Variants in CLTCL1 observed in about 807,000 individuals in gnomAD.
CLTCL1 encodes the protein clathrin heavy chain 2.
A neutral mutation model predicts 190.0 loss-of-function variants in CLTCL1; 159 were observed. The observed-to-expected ratio is 0.84, with a 90% confidence interval of 0.74 to 0.95. The LOEUF (loss-of-function observed/expected upper bound fraction) is 0.95. CLTCL1 is among the 40% of genes least tolerant of loss of function. The pLI, the probability that CLTCL1 is intolerant of heterozygous loss-of-function variation, is 0.00. For synonymous variants in CLTCL1, 752 were observed against 769.6 expected (o/e 0.98, Z 0.38); for missense variants, 1,878 against 2,033.4 (o/e 0.92, Z 1.47).
intron 29 of CLTCL1, among the ~76,000 whole-genome samples, chr22:19,185,691 G>A (rs545904254): frequency 2.6e-5 from 4 of 152,370 alleles, no homozygotes; most frequent in South Asian, 2.1e-4. Context: ...CACGTGGCTC[G>A]GAGTGGGTGG....
intron 1 of CLTCL1, among the ~76,000 whole-genome samples, chr22:19,288,670 T>TCA (rs1325184496): frequency 1.3e-5 from 2 of 152,180 alleles, no homozygotes; most frequent in African/African-American, 2.4e-5. Flanking sequence ...TGCTACTGCC[T>TCA]CACACACACA....
chr22:19,179,919 C>T lies in CLTCL1; in HGVS notation c.*71G>A. On this transcript the variant is annotated 3_prime_UTR_variant, in exon 33 of 33. Coordinates refer to ENST00000427926, the MANE Select transcript of CLTCL1 (RefSeq NM_007098.4). ...CATTGGAGGCTGGCGAAGTTGGGAG[C>T]AGAGGCATATCCATAGGGGAAGCTG... 1 of 489,464 alleles carries T rather than the reference C, an allele frequency of 2.0e-6. No individual in the cohort carries two copies. The highest frequency in any genetic ancestry group is 3.7e-6 in the Non-Finnish European group (1 of 271,944). The allele number at this position is 489,464 out of a possible 1,614,324, so 30.3% of individuals were successfully genotyped here. A position where few individuals can be genotyped will look rare whatever the true frequency, so the allele number is the denominator to read the frequency against.
At chr22:19,256,697 G>A (rs1245458958) in intron 2 of CLTCL1, among the ~76,000 whole-genome samples, 2 of 149,326 alleles carry the variant, frequency 1.3e-5, no homozygotes, top group African/African-American at 2.5e-5. Flanking sequence ...ACTAGGTCTT[G>A]CTATGCTGCC....
In CLTCL1 at chr22:19,246,047, T is replaced by C. The variant is rs782209218; in HGVS notation, c.520-3111A>G. Among the ~76,000 whole-genome samples, 3 of 151,938 alleles carry C rather than the reference T, an allele frequency of 2.0e-5. No homozygotes were observed. In the South Asian group the frequency reaches 6.2e-4, roughly 31 times the overall value. On this transcript the variant is annotated intron_variant, in intron 3 of 32. Coordinates refer to ENST00000427926, the MANE Select transcript of CLTCL1 (RefSeq NM_007098.4). ...ACAGTGGAACTGCTGGGTCAAATGG[T>C]AATTCTGTGTTTAACTTTTTTTTAT...
At chr22:19,287,486 A>G (rs1555990801) in intron 1 of CLTCL1, among the ~76,000 whole-genome samples, 1 of 152,176 alleles carries the variant, frequency 6.6e-6, no homozygotes, top group East Asian at 1.9e-4. Flanking sequence ...AACAGGAAAG[A>G]GCACGTGGGG....
intron 2 of CLTCL1, among the ~76,000 whole-genome samples, chr22:19,266,915 C>A (rs1430170061): frequency 6.6e-6 from 1 of 152,170 alleles, no homozygotes; most frequent in Non-Finnish European, 1.5e-5. Flanking sequence ...AGGCTAAAAA[C>A]TCCCCCCTAA....
rs1220488992 is a variant in CLTCL1, at chr22:19,291,695, C to A, written c.-54G>T. Reference sequence around the variant, plus strand: ...CGGCAGCGGCAGGAATGAACGCCGACCCCTCGCGCGGGCTGACCGGTGGCG... The same window carrying A: ...CGGCAGCGGCAGGAATGAACGCCGAACCCTCGCGCGGGCTGACCGGTGGCG... On this transcript the variant is annotated 5_prime_UTR_variant, in exon 1 of 33. Coordinates refer to ENST00000427926, the MANE Select transcript of CLTCL1 (RefSeq NM_007098.4). 1 of 1,322,036 alleles carries A rather than the reference C, an allele frequency of 7.6e-7. No individual in the cohort carries two copies. The highest frequency in any genetic ancestry group is 9.7e-7 in the Non-Finnish European group (1 of 1,026,664). The allele number at this position is 1,322,036 out of a possible 1,614,324, so 81.9% of individuals were successfully genotyped here. A position where few individuals can be genotyped will look rare whatever the true frequency, so the allele number is the denominator to read the frequency against.
At chr22:19,189,751 G>A (rs2084429232) in intron 27 of CLTCL1, among the ~76,000 whole-genome samples, 1 of 152,088 alleles carries the variant, frequency 6.6e-6, no homozygotes, top group South Asian at 2.1e-4. Flanking sequence ...ATATACTGGT[G>A]TCTTTACTTG....
At chr22:19,282,230 G>C (rs1344456172) in intron 1 of CLTCL1, among the ~76,000 whole-genome samples, 10 of 151,908 alleles carry the variant, frequency 6.6e-5, no homozygotes, top group African/African-American at 2.2e-4. Flanking sequence ...TCGGGAGGCT[G>C]AGGCAGGAGA....
Position 19,188,065 on chromosome 22 carries a change from AG to A in CLTCL1, c.4349del (p.Pro1450LeufsTer14), listed in dbSNP as rs782153312. ...SKAGQLPLVKPYLRSVQSHNN... is the reference protein window; with the variant it reads ...SKAGQLPLVKXYLRSVQSHNN... ...TGTGGCTCTGGACTGACCGCAGGTAAGGCTTCACCAGGGGCAGCTGACCTGC... is the reference window on the plus strand; with the variant it reads ...TGTGGCTCTGGACTGACCGCAGGTAAGCTTCACCAGGGGCAGCTGACCTGC... On this transcript the variant is annotated frameshift_variant, in exon 28 of 33. Coordinates refer to ENST00000427926, the MANE Select transcript of CLTCL1 (RefSeq NM_007098.4). LOFTEE classifies it high-confidence loss of function. The A allele has an allele frequency of 3.7e-6, 6 of 1,614,000 alleles. No homozygotes were observed. The highest frequency in any genetic ancestry group is 4.2e-6 in the Non-Finnish European group (5 of 1,179,868).
At chr22:19,256,775 C>T (rs1416485246) in intron 2 of CLTCL1, among the ~76,000 whole-genome samples, 1 of 151,828 alleles carries the variant, frequency 6.6e-6, no homozygotes, top group Non-Finnish European at 1.5e-5. Context: ...GCTGGGATAA[C>T]AGGTGTGAGC....
chr22:19,256,354 C>CTTTTTTTTTTTTTT (rs1239133099), intron 2 of CLTCL1, among the ~76,000 whole-genome samples: 21 of 104,332 alleles, frequency 2.0e-4, no homozygotes, highest in Non-Finnish European at 3.4e-4. Context: ...TTTCTTTTAT[C>CTTTTTTTTTTTTTT]TTTTTTTTTT....
chr22:19,219,829 A>G (rs1345955231), intron 18 of CLTCL1, 56 bp downstream of exon 18: 11 of 1,605,406 alleles, frequency 6.9e-6, no homozygotes, highest in Admixed American at 1.7e-5. Context: ...TTGAGCCACA[A>G]TGATGATCGG....
chr22:19,211,791 A>G (rs2145655622), intron 19 of CLTCL1, among the ~76,000 whole-genome samples: 1 of 150,948 alleles, frequency 6.6e-6, no homozygotes, highest in Non-Finnish European at 1.5e-5. Flanking sequence ...AAACAAAAAC[A>G]AAACTGTCCC....
intron 3 of CLTCL1, among the ~76,000 whole-genome samples, chr22:19,249,697 A>G (rs1555969215): frequency 2.0e-5 from 3 of 151,972 alleles, no homozygotes; most frequent in African/African-American, 7.3e-5. Context: ...CTCTGTCTCA[A>G]AAGAAAAGAA....
At chr22:19,276,404 A>G (rs1289295902) in intron 1 of CLTCL1, among the ~76,000 whole-genome samples, 1 of 152,202 alleles carries the variant, frequency 6.6e-6, no homozygotes, top group East Asian at 1.9e-4. Context: ...GGTTAATAAG[A>G]AAGTCAGCAG....
intron 26 of CLTCL1, among the ~76,000 whole-genome samples, chr22:19,192,026 A>G (rs1601457269): frequency 7.2e-6 from 1 of 139,000 alleles, no homozygotes; most frequent in South Asian, 2.4e-4. Context: ...CACTTTCCCC[A>G]CTGGTCTGCC....
Position 19,274,096 on chromosome 22 carries a change from T to C in CLTCL1, c.250+1527A>G, listed in dbSNP as rs149957624. On this transcript the variant is annotated intron_variant, in intron 2 of 32. Transcript: ENST00000427926. ...CCAGGAAGATTAAAATGCAGATCAT[T>C]TCTGAGACCTGCTGAAAACACTAAA... Among the ~76,000 whole-genome samples, 444 of 152,244 alleles carry C rather than the reference T, an allele frequency of 2.9e-3. 2 individuals carry two copies. Among genetic ancestry groups the C allele is most frequent in the African/African-American group, 9.5e-3 (393 of 41,546 alleles).
chr22:19,257,493 G>A, intron 2 of CLTCL1: 1 of 269,478 alleles, frequency 3.7e-6, no homozygotes, highest in Non-Finnish European at 7.4e-6. Flanking sequence ...CCTGAGTCCT[G>A]TTCTCTCACT....
Sources: gnomAD v4.1 joint callset for allele counts (sites outside exome capture counted in the v4.1 genomes callset) on GRCh38, gnomAD v4.1.1 for gene constraint, MANE v1.5 for transcripts, NCBI Gene and HGNC (gene_info 2026-07-23, HGNC 2026-07-21) for gene names.